The following HPGDS variants were observed in gnomAD, a reference collection of about 807,000 sequenced individuals.
HPGDS encodes the protein hematopoietic prostaglandin D synthase.
In HPGDS, 26 loss-of-function variants were observed where a neutral mutation model predicts 23.1. The ratio of observed to expected loss-of-function variants is 1.13; its 90% CI spans 0.83 to 1.56. HPGDS has a LOEUF of 1.56. HPGDS is among the 40% of genes most tolerant of loss of function. HPGDS has a pLI of 0.00. For missense variants in HPGDS, 268 were observed against 236.4 expected (o/e 1.13, Z -0.88); for synonymous variants, 95 against 77.9 (o/e 1.22, Z -1.16).
chr4:94,334,496 C>T lies in HPGDS; in HGVS notation c.133+1G>A. ...CTACATTTATTATTTTTGCTACTTA[C>T]TTGATTTGATTTCAGGCCAGTCAGC... On this transcript the variant is annotated splice_donor_variant, in intron 2 of 5. Transcript: ENST00000295256. LOFTEE classifies it high-confidence loss of function. The T allele has an allele frequency of 1.3e-6, 2 of 1,590,086 alleles. No homozygotes were observed. The highest frequency in any genetic ancestry group is 2.3e-5 in the East Asian group (1 of 44,044).
At chr4:94,316,890 T>C (rs1428159739) in intron 3 of HPGDS, among the ~76,000 whole-genome samples, 3 of 152,272 alleles carry the variant, frequency 2.0e-5, no homozygotes, top group Admixed American at 2.0e-4. Flanking sequence ...AGTCTTCCTC[T>C]TGAAATTCTA....
intron 1 of HPGDS, among the ~76,000 whole-genome samples, chr4:94,340,697 C>T (rs1413649240): frequency 8.7e-6 from 1 of 115,164 alleles, no homozygotes; most frequent in African/African-American, 3.5e-5. Context: ...TTACTCTTGT[C>T]GCCCAGCCTG....
chr4:94,339,111 G>T (rs1358397857), intron 1 of HPGDS, among the ~76,000 whole-genome samples: 1 of 152,222 alleles, frequency 6.6e-6, no homozygotes, highest in Non-Finnish European at 1.5e-5. Context: ...TGAGACAATA[G>T]AGGGAAAATA....
At chr4:94,331,839 T>A (rs1386743809) in intron 2 of HPGDS, among the ~76,000 whole-genome samples, 1 of 152,146 alleles carries the variant, frequency 6.6e-6, no homozygotes, top group Admixed American at 6.5e-5. Flanking sequence ...CTTCTTCACA[T>A]TGATAGAGGC....
chr4:94,324,550 C>A (rs552423052), intron 2 of HPGDS, among the ~76,000 whole-genome samples: 3 of 152,154 alleles, frequency 2.0e-5, no homozygotes, highest in African/African-American at 7.2e-5. Context: ...TTGATCAAAT[C>A]GGCTACTGAA....
At chr4:94,308,790 A>G in intron 3 of HPGDS, 47 bp from the exon 4 acceptor site, 1 of 1,058,648 alleles carries the variant, frequency 9.4e-7, no homozygotes, top group Non-Finnish European at 1.4e-6. Flanking sequence ...TTACTATATT[A>G]AAAAGTTTGT....
At chr4:94,342,533 A>G (rs1202320290) in intron 1 of HPGDS, among the ~76,000 whole-genome samples, 8 of 152,150 alleles carry the variant, frequency 5.3e-5, no homozygotes, top group Non-Finnish European at 1.2e-4. Flanking sequence ...AGCATTGATT[A>G]TATTTTCTAT....
At chr4:94,313,083 CTT>C (rs1450439443) in intron 3 of HPGDS, among the ~76,000 whole-genome samples, 2 of 152,194 alleles carry the variant, frequency 1.3e-5, no homozygotes, top group East Asian at 1.9e-4. Context: ...GGTCTTGACT[CTT>C]TATCCAATTT....
chr4:94,318,432 A>T (rs1268539054), intron 2 of HPGDS, among the ~76,000 whole-genome samples: 2 of 152,168 alleles, frequency 1.3e-5, no homozygotes, highest in Non-Finnish European at 2.9e-5. Context: ...GTATATGCAC[A>T]CAATGTAATG....
chr4:94,341,054 C>T (rs1195783101), intron 1 of HPGDS, among the ~76,000 whole-genome samples: 7 of 151,500 alleles, frequency 4.6e-5, no homozygotes, highest in African/African-American at 1.7e-4. Context: ...CCATGTTGGC[C>T]AGGACCTCCT....
intron 3 of HPGDS, among the ~76,000 whole-genome samples, chr4:94,317,148 G>A (rs376318367): frequency 2.6e-5 from 4 of 152,142 alleles, no homozygotes; most frequent in African/African-American, 7.2e-5. Context: ...GGCAATGGTG[G>A]TGGGGAGATA....
At chr4:94,304,874 C>T (rs1756111817) in intron 4 of HPGDS, among the ~76,000 whole-genome samples, 2 of 151,918 alleles carry the variant, frequency 1.3e-5, no homozygotes, top group Non-Finnish European at 2.9e-5. Context: ...GTTATGGAGC[C>T]TCAGCCACAG....
At chr4:94,309,548 G>C (rs1756216446) in intron 3 of HPGDS, among the ~76,000 whole-genome samples, 1 of 152,040 alleles carries the variant, frequency 6.6e-6, no homozygotes, top group Non-Finnish European at 1.5e-5. Context: ...ATTTGACTTG[G>C]TTCCAAGTCT....
At chr4:94,333,497 C>T (rs1443819011) in intron 2 of HPGDS, among the ~76,000 whole-genome samples, 1 of 152,178 alleles carries the variant, frequency 6.6e-6, no homozygotes, top group African/African-American at 2.4e-5. Flanking sequence ...TCTTTGACAA[C>T]TGTATGGAGC....
At chr4:94,304,684 A>G (rs1231945412) in intron 4 of HPGDS, among the ~76,000 whole-genome samples, 4 of 152,098 alleles carry the variant, frequency 2.6e-5, no homozygotes, top group Admixed American at 1.3e-4. Flanking sequence ...GCTATCAGCA[A>G]TGTTTCTGCA....
intron 2 of HPGDS, among the ~76,000 whole-genome samples, chr4:94,330,890 T>A (rs1256202807): frequency 6.6e-6 from 1 of 152,198 alleles, no homozygotes; most frequent in Non-Finnish European, 1.5e-5. Context: ...AACTGAGCAA[T>A]GAACGATTTG....
chr4:94,326,121 T>C (rs1756627352), intron 2 of HPGDS, among the ~76,000 whole-genome samples: 2 of 152,304 alleles, frequency 1.3e-5, no homozygotes, highest in South Asian at 4.1e-4. Flanking sequence ...TTTGGAATTC[T>C]CTTTGTCCTT....
intron 3 of HPGDS, among the ~76,000 whole-genome samples, chr4:94,316,187 G>C (rs748208376): frequency 6.6e-5 from 10 of 152,094 alleles, no homozygotes; most frequent in Non-Finnish European, 2.9e-5. Context: ...GGTATTGCAA[G>C]TTGAAAAAAG....
chr4:94,324,868 G>T (rs765918488), intron 2 of HPGDS, among the ~76,000 whole-genome samples: 10 of 152,192 alleles, frequency 6.6e-5, no homozygotes, highest in Non-Finnish European at 1.3e-4. Context: ...CAGCTTTTCT[G>T]CTCTGGTTTC....
Sources: allele counts gnomAD v4.1 joint callset (sites outside exome capture counted in the v4.1 genomes callset), GRCh38; gene constraint gnomAD v4.1.1; transcripts MANE v1.5; gene names NCBI Gene and HGNC (gene_info 2026-07-23, HGNC 2026-07-21).